Variants in DNA2 observed in about 807,000 individuals in gnomAD.
DNA2 encodes DNA replication helicase/nuclease 2, also known as DNA replication ATP-dependent helicase/nuclease DNA2.
A neutral mutation model predicts 119.1 loss-of-function variants in DNA2; 101 were observed. That is an observed-to-expected ratio of 0.85 (90% CI 0.72 to 1.00). The LOEUF (loss-of-function observed/expected upper bound fraction) is 1.00, where lower values mean the gene tolerates loss of function less well. DNA2 is among the 50% of genes least tolerant of loss of function. DNA2 has a pLI of 0.00. For missense variants in DNA2, 1,121 were observed against 1,255.5 expected (o/e 0.89, Z 1.62); for synonymous variants, 366 against 424.4 (o/e 0.86, Z 1.69).
intron 1 of DNA2, chr10:68,470,755 C>G (rs2052373917): frequency 3.1e-6 from 1 of 325,982 alleles, no homozygotes; most frequent in Non-Finnish European, 6.0e-6. Flanking sequence ...ACTTATGTTA[C>G]GGAAAAGGGT....
Position 68,418,967 on chromosome 10 carries a change from C to G in DNA2, c.2967+67G>C, listed in dbSNP as rs1189485871. 4.1e-6 allele frequency: 6 copies of G among 1,461,040 alleles called. No individual in the cohort carries two copies. The Admixed American group carries it at 1.3e-4, about 32-fold the overall frequency. 90.5% of individuals were successfully genotyped at this position (1,461,040 alleles called of 1,614,324 possible). Reference sequence around the variant, plus strand: ...GGATTACAGGTGTGAGCCACCGCGCCCGGCCCACAATTTTTAAAGAGAGAG... The same window carrying G: ...GGATTACAGGTGTGAGCCACCGCGCGCGGCCCACAATTTTTAAAGAGAGAG... On this transcript the variant is annotated intron_variant, in intron 19 of 20. Transcript: ENST00000358410.
chr10:68,458,209 C>T (rs1189238469), intron 5 of DNA2, among the ~76,000 whole-genome samples: 3 of 151,546 alleles, frequency 2.0e-5, no homozygotes, highest in Admixed American at 6.6e-5. Flanking sequence ...AATTAGGACC[C>T]CCAGAATATT....
At chr10:68,421,816 CT>C (rs532516397) in intron 17 of DNA2, among the ~76,000 whole-genome samples, 135 of 136,986 alleles carry the variant, frequency 9.9e-4, no homozygotes, top group Non-Finnish European at 1.4e-3. Flanking sequence ...TTAGTTTTGC[CT>C]TTTTTTTTCC....
intron 16 of DNA2, 29 bp downstream of exon 16, chr10:68,422,486 C>T: frequency 6.2e-7 from 1 of 1,612,752 alleles, no homozygotes. Context: ...AACATGAAAA[C>T]CACTCCTAGC....
At chr10:68,426,860 A>G (rs1267577994) in intron 14 of DNA2, among the ~76,000 whole-genome samples, 1 of 152,088 alleles carries the variant, frequency 6.6e-6, no homozygotes, top group Non-Finnish European at 1.5e-5. Flanking sequence ...ATAAATAAAT[A>G]AATAAAACTA....
At chr10:68,444,248 G>GGTGC (rs2052007997) in intron 8 of DNA2, among the ~76,000 whole-genome samples, 1 of 151,918 alleles carries the variant, frequency 6.6e-6, no homozygotes, top group African/African-American at 2.4e-5. Context: ...AAATTAGCTG[G>GGTGC]GTGCGGTGGC....
intron 4 of DNA2, among the ~76,000 whole-genome samples, chr10:68,463,660 C>T (rs1446657791): frequency 6.9e-6 from 1 of 144,952 alleles, no homozygotes; most frequent in South Asian, 2.2e-4. Context: ...CAGAGGAAGA[C>T]TCCATCTCAA....
Position 68,414,965 on chromosome 10 carries a change from T to G in DNA2, c.*74A>C. 2.2e-6 allele frequency: 2 copies of G among 921,268 alleles called. No homozygotes were observed. The highest frequency in any genetic ancestry group is 3.5e-5 in the South Asian group (2 of 57,526). The allele number at this position is 921,268 out of a possible 1,614,324, so 57.1% of individuals were successfully genotyped here. ...AAATACTGCATTAAATTTTGTATGGTGATAGAATTTTCTGTATGGGCACTA... is the reference window on the plus strand; with the variant it reads ...AAATACTGCATTAAATTTTGTATGGGGATAGAATTTTCTGTATGGGCACTA... On this transcript the variant is annotated 3_prime_UTR_variant, in exon 21 of 21. Coordinates refer to ENST00000358410, the MANE Select transcript of DNA2 (RefSeq NM_001080449.3).
intron 19 of DNA2, among the ~76,000 whole-genome samples, chr10:68,417,805 T>C (rs985062903): frequency 6.6e-6 from 1 of 152,122 alleles, no homozygotes; most frequent in Non-Finnish European, 1.5e-5. Context: ...ATGTGGTATA[T>C]AGAGACAATG....
intron 7 of DNA2, 117 bp downstream of exon 7, chr10:68,446,179 C>T: frequency 1.7e-6 from 1 of 602,390 alleles, no homozygotes; most frequent in South Asian, 2.3e-5. Context: ...AAACCCACAG[C>T]TACAAATTAT....
intron 9 of DNA2, among the ~76,000 whole-genome samples, chr10:68,438,526 A>G (rs1286548379): frequency 6.6e-6 from 1 of 151,912 alleles, no homozygotes; most frequent in Non-Finnish European, 1.5e-5. Context: ...TCTCAAAAAA[A>G]AGAAAAAAAA....
At chr10:68,436,987 TC>T (rs757717609) in intron 10 of DNA2, 23 bp downstream of exon 10, 87 of 1,547,170 alleles carry the variant, frequency 5.6e-5, no homozygotes, top group Non-Finnish European at 7.3e-5. Context: ...AAAGCTGTTA[TC>T]AAAAAAAGTA....
chr10:68,424,590 C>G (rs528008894), intron 14 of DNA2: 2 of 1,166,996 alleles, frequency 1.7e-6, no homozygotes, highest in Admixed American at 3.4e-5. Context: ...GAACTTGGAC[C>G]GCAGCAAAAA....
At chr10:68,463,261 A>G (rs10762228) in intron 4 of DNA2, among the ~76,000 whole-genome samples, 147,569 of 152,020 alleles carry the variant, frequency 0.97, 71,640 homozygotes, top group African/African-American at 0.99. Context: ...TGGCTAACAC[A>G]GTGAAACCCC....
chr10:68,465,899 G>A (rs1244136341), intron 3 of DNA2, 87 bp from the exon 4 acceptor site: 3 of 1,190,880 alleles, frequency 2.5e-6, no homozygotes, highest in Non-Finnish European at 3.2e-6. Context: ...AACCACCATA[G>A]CCAAAATGCA....
chr10:68,470,636 A>G, intron 1 of DNA2: 1 of 449,734 alleles, frequency 2.2e-6, no homozygotes, highest in Non-Finnish European at 4.4e-6. Flanking sequence ...AAGAAAGGAA[A>G]GTATAAATTG....
chr10:68,452,566 C>T (rs952063349), intron 5 of DNA2, among the ~76,000 whole-genome samples: 6 of 138,702 alleles, frequency 4.3e-5, no homozygotes, highest in African/African-American at 2.0e-4. Context: ...AGCAATGTGG[C>T]TTTATTATTA....
At chr10:68,469,381 CTAA>C (rs2052361117) in intron 2 of DNA2, among the ~76,000 whole-genome samples, 1 of 81,854 alleles carries the variant, frequency 1.2e-5, no homozygotes, top group Non-Finnish European at 2.3e-5. Flanking sequence ...CCTGTCTCTA[CTAA>C]AAATACAAAA....
intron 19 of DNA2, among the ~76,000 whole-genome samples, chr10:68,418,818 G>A (rs898007936): frequency 6.6e-5 from 10 of 151,472 alleles, no homozygotes; most frequent in South Asian, 2.1e-4. Flanking sequence ...GATTACAGGC[G>A]CCTGCCACCA....
Sources: allele counts gnomAD v4.1 joint callset (sites outside exome capture counted in the v4.1 genomes callset), GRCh38; gene constraint gnomAD v4.1.1; transcripts MANE v1.5; gene names NCBI Gene and HGNC (gene_info 2026-07-23, HGNC 2026-07-21).